The following INTS14 variants were observed in gnomAD, a reference collection of about 807,000 sequenced individuals.
INTS14 encodes the protein integrator complex subunit 14, also known as UPF0464 protein C15orf44.
In INTS14, 27 loss-of-function variants were observed where a neutral mutation model predicts 56.9. The observed-to-expected ratio is 0.47, with a 90% CI of 0.35 to 0.65. The LOEUF (loss-of-function observed/expected upper bound fraction) is 0.65, where lower values mean the gene tolerates loss of function less well. Among genes scored for constraint, INTS14 ranks in the 30% least tolerant of loss-of-function variants. INTS14 has a pLI of 0.00. For missense variants in INTS14, 517 were observed against 632.2 expected (o/e 0.82, Z 1.95); for synonymous variants, 207 against 236.2 (o/e 0.88, Z 1.13).
intron 9 of INTS14, among the ~76,000 whole-genome samples, chr15:65,587,326 C>T (rs1400174963): frequency 2.7e-5 from 4 of 150,180 alleles, no homozygotes; most frequent in Non-Finnish European, 4.4e-5. Context: ...ATTTATGAAG[C>T]AGGAGGATGG....
intron 6 of INTS14, among the ~76,000 whole-genome samples, chr15:65,597,237 C>G (rs1314804102): frequency 6.6e-6 from 1 of 152,168 alleles, no homozygotes; most frequent in Non-Finnish European, 1.5e-5. Context: ...CCCCTCACTC[C>G]AACACTCCTT....
At chr15:65,599,455 T>C in intron 4 of INTS14, 1 of 212,238 alleles carries the variant, frequency 4.7e-6, no homozygotes, top group Non-Finnish European at 9.3e-6. Flanking sequence ...CACACTCTTG[T>C]CAACATTTCT....
chr15:65,610,685 C>T (rs1436430679), intron 1 of INTS14: 1 of 1,535,624 alleles, frequency 6.5e-7, no homozygotes, highest in Non-Finnish European at 8.7e-7. Context: ...TAGTGCCTCA[C>T]CTGCTCTTTG....
At chr15:65,587,066 C>T (rs2072851533) in intron 9 of INTS14, 1 of 152,204 alleles carries the variant, frequency 6.6e-6, no homozygotes, top group Non-Finnish European at 1.5e-5. Flanking sequence ...GAAGAGACAA[C>T]AGAGTAATGC....
intron 10 of INTS14, among the ~76,000 whole-genome samples, chr15:65,582,580 T>C (rs533637569): frequency 1.3e-5 from 2 of 152,192 alleles, no homozygotes; most frequent in South Asian, 4.1e-4. Context: ...GATGTGTTTC[T>C]CAAGAGAAAA....
intron 7 of INTS14, among the ~76,000 whole-genome samples, chr15:65,595,469 G>A (rs1336138668): frequency 2.6e-5 from 4 of 152,176 alleles, no homozygotes; most frequent in Admixed American, 1.3e-4. Context: ...CCCTGGATGA[G>A]GGACTAAGCA....
intron 3 of INTS14, among the ~76,000 whole-genome samples, chr15:65,603,110 T>C (rs2073501956): frequency 6.6e-6 from 1 of 152,208 alleles, no homozygotes; most frequent in South Asian, 2.1e-4. Context: ...ACATCCTATA[T>C]GCATGGATTT....
At chr15:65,601,474 C>G (rs2073431056) in intron 3 of INTS14, among the ~76,000 whole-genome samples, 1 of 152,206 alleles carries the variant, frequency 6.6e-6, no homozygotes, top group South Asian at 2.1e-4. Flanking sequence ...TCCCGAGCAG[C>G]TGGAACTACA....
At chr15:65,600,549 A>G (rs2073392913) in intron 3 of INTS14, among the ~76,000 whole-genome samples, 1 of 152,034 alleles carries the variant, frequency 6.6e-6, no homozygotes, top group East Asian at 1.9e-4. Context: ...GGATCACTTG[A>G]GCCTGGGAAG....
rs938539916 is a variant in INTS14, at chr15:65,600,887, A to G, written c.331-958T>C. 2.6e-5 allele frequency among the ~76,000 whole-genome samples: 4 copies of G among 152,200 alleles called. 1 individual carries two copies. The highest frequency in any genetic ancestry group is 9.6e-5 in the African/African-American group (4 of 41,462). On this transcript the variant is annotated intron_variant, in intron 3 of 11. Transcript: ENST00000313182. ...TCTGAACACTTAAAAAAGGACAAAA[A>G]CATTCACAACCAATTCTTACTTAAT...
chr15:65,609,940 C>T (rs767333270), intron 1 of INTS14, among the ~76,000 whole-genome samples: 9 of 152,198 alleles, frequency 5.9e-5, no homozygotes, highest in Non-Finnish European at 1.2e-4. Flanking sequence ...CCAAGTGATG[C>T]ATTTGTGTCG....
intron 11 of INTS14, among the ~76,000 whole-genome samples, chr15:65,580,070 A>G (rs1422979752): frequency 6.6e-6 from 1 of 152,154 alleles, no homozygotes; most frequent in Non-Finnish European, 1.5e-5. Context: ...GTGGGGCCTC[A>G]GGCTAAGACA....
intron 1 of INTS14, among the ~76,000 whole-genome samples, chr15:65,608,616 A>G (rs912707594): frequency 6.6e-6 from 1 of 152,214 alleles, no homozygotes; most frequent in Non-Finnish European, 1.5e-5. Flanking sequence ...TAAAACTATA[A>G]ATAAATGACA....
intron 6 of INTS14, among the ~76,000 whole-genome samples, chr15:65,596,490 CT>C (rs1415522244): frequency 6.6e-6 from 1 of 152,090 alleles, no homozygotes; most frequent in Non-Finnish European, 1.5e-5. Context: ...TATTGATGTG[CT>C]TTTCAGTCTT....
intron 9 of INTS14, 100 bp downstream of exon 9, chr15:65,591,498 T>TA (rs1359257527): frequency 6.8e-7 from 1 of 1,462,936 alleles, no homozygotes; most frequent in African/African-American, 1.4e-5. Flanking sequence ...GGCATACCAG[T>TA]AAGGGAGATC....
chr15:65,590,340 T>A (rs1263164517), intron 9 of INTS14, among the ~76,000 whole-genome samples: 1 of 152,234 alleles, frequency 6.6e-6, no homozygotes, highest in Non-Finnish European at 1.5e-5. Context: ...ATCCCCCTGT[T>A]CTCACTGTAG....
intron 5 of INTS14, 89 bp downstream of exon 5, chr15:65,598,783 T>C (rs2073312907): frequency 2.8e-6 from 3 of 1,067,874 alleles, no homozygotes; most frequent in African/African-American, 3.2e-5. Flanking sequence ...ATGACACAAT[T>C]AGGAACAGTA....
At chr15:65,595,709 CG>C in intron 7 of INTS14, 23 bp downstream of exon 7, 2 of 1,549,964 alleles carry the variant, frequency 1.3e-6, no homozygotes, top group Non-Finnish European at 1.8e-6. Context: ...ACGCTTCAGA[CG>C]TATCAGTGGA....
At chr15:65,583,284 A>C (rs2072695193) in intron 10 of INTS14, among the ~76,000 whole-genome samples, 1 of 152,230 alleles carries the variant, frequency 6.6e-6, no homozygotes, top group African/African-American at 2.4e-5. Context: ...AGGTAACCCT[A>C]ATGTCCGTCA....
Sources: gnomAD v4.1 joint callset for allele counts (sites outside exome capture counted in the v4.1 genomes callset) on GRCh38, gnomAD v4.1.1 for gene constraint, MANE v1.5 for transcripts, NCBI Gene and HGNC (gene_info 2026-07-23, HGNC 2026-07-21) for gene names.